The following AGT variants were observed in gnomAD, a reference collection of about 807,000 sequenced individuals.
AGT encodes the protein angiotensinogen, also known as alpha-1 antiproteinase, antitrypsin.
AGT carries 26 observed loss-of-function variants against 28.1 expected under a neutral mutation model. The ratio of observed to expected loss-of-function variants is 0.92; its 90% CI spans 0.68 to 1.28. AGT has a LOEUF of 1.28. Among genes scored for constraint, AGT ranks in the 50% most tolerant of loss-of-function variants. AGT has a pLI of 0.00. For missense variants in AGT, 596 were observed against 592.3 expected (o/e 1.01, Z -0.06); for synonymous variants, 259 against 259.6 (o/e 1.00, Z 0.02).
intron 3 of AGT, 112 bp downstream of exon 3, chr1:230,705,821 G>T: frequency 1.4e-6 from 2 of 1,437,798 alleles, no homozygotes; most frequent in Non-Finnish European, 9.7e-7. Flanking sequence ...CCGCGGCCCT[G>T]CCCTGCTCTG....
At chr1:230,738,464 T>C (rs1008950750) in intron 1 of AGT, among the ~76,000 whole-genome samples, 1 of 152,236 alleles carries the variant, frequency 6.6e-6, no homozygotes, top group Non-Finnish European at 1.5e-5. Flanking sequence ...ACAGCTATGA[T>C]TGTCAGTGGC....
chr1:230,704,392 C>G, intron 3 of AGT, 55 bp from the exon 4 acceptor site: 1 of 1,599,544 alleles, frequency 6.3e-7, no homozygotes, highest in Non-Finnish European at 8.5e-7. Flanking sequence ...GAGGGCTCTC[C>G]CAGAGGCCAG....
intron 1 of AGT, among the ~76,000 whole-genome samples, chr1:230,728,459 C>G (rs931699920): frequency 3.3e-5 from 5 of 152,032 alleles, no homozygotes; most frequent in African/African-American, 1.2e-4. Context: ...CCAAAATGAC[C>G]CAGGACAGTT....
chr1:230,719,718 A>G (rs1338841901), intron 1 of AGT, among the ~76,000 whole-genome samples: 2 of 152,164 alleles, frequency 1.3e-5, no homozygotes, highest in Admixed American at 1.3e-4. Context: ...ATTGCAGCAC[A>G]TTTCAAAAGT....
intron 1 of AGT, among the ~76,000 whole-genome samples, chr1:230,719,917 T>C (rs1407919918): frequency 6.6e-6 from 1 of 152,154 alleles, no homozygotes; most frequent in Non-Finnish European, 1.5e-5. Context: ...GTGCTATGAC[T>C]CTGGGTTTTT....
chr1:230,712,540 A>C (rs1663623994), intron 1 of AGT, among the ~76,000 whole-genome samples: 1 of 152,180 alleles, frequency 6.6e-6, no homozygotes, highest in Admixed American at 6.5e-5. Flanking sequence ...GTTCACACCT[A>C]ATCTAGACAG....
rs1054924594 is a variant in AGT, at chr1:230,704,095, G to C, written c.1242+98C>G. On this transcript the variant is annotated intron_variant, in intron 4 of 4. Coordinates refer to ENST00000366667, the MANE Select transcript of AGT (RefSeq NM_001384479.1). ...CTCTCCGCTCCCTCTTGCCCTGCTGGCCCCACCCATAGCCTCCTCTGTGTC... is the reference window on the plus strand; with the variant it reads ...CTCTCCGCTCCCTCTTGCCCTGCTGCCCCCACCCATAGCCTCCTCTGTGTC... 20 of 1,582,816 alleles carry C rather than the reference G, an allele frequency of 1.3e-5. No individual in the cohort carries two copies. The South Asian group carries it at 2.1e-4, about 17-fold the overall frequency.
intron 1 of AGT, among the ~76,000 whole-genome samples, chr1:230,738,301 C>T (rs369923264): frequency 6.6e-6 from 1 of 152,220 alleles, no homozygotes; most frequent in African/African-American, 2.4e-5. Flanking sequence ...CACCATTTGA[C>T]ATTCTCACCA....
chr1:230,743,008 T>C (rs551994412), intron 1 of AGT, among the ~76,000 whole-genome samples: 2 of 152,308 alleles, frequency 1.3e-5, no homozygotes, highest in African/African-American at 4.8e-5. Context: ...CTTTTTCTTT[T>C]TGAGATGGAG....
intron 1 of AGT, among the ~76,000 whole-genome samples, chr1:230,733,406 G>A (rs1043529793): frequency 6.6e-6 from 1 of 152,078 alleles, no homozygotes; most frequent in Non-Finnish European, 1.5e-5. Context: ...CATTCTCCTA[G>A]CAAAATAACA....
chr1:230,720,238 T>C (rs1169007975), intron 1 of AGT, among the ~76,000 whole-genome samples: 1 of 152,182 alleles, frequency 6.6e-6, no homozygotes, highest in Non-Finnish European at 1.5e-5. Context: ...TTCCAACTGA[T>C]TTCTGCTAGT....
intron 3 of AGT, among the ~76,000 whole-genome samples, chr1:230,704,863 GC>G (rs1336620438): frequency 6.6e-6 from 1 of 152,184 alleles, no homozygotes; most frequent in Non-Finnish European, 1.5e-5. Flanking sequence ...GATGTATCAA[GC>G]ACTTATAAGA....
At chr1:230,720,943 C>T (rs373697977) in intron 1 of AGT, among the ~76,000 whole-genome samples, 15 of 152,182 alleles carry the variant, frequency 9.9e-5, no homozygotes, top group East Asian at 5.8e-4. Flanking sequence ...TCATTCTGGG[C>T]GTGGGACAAG....
At chr1:230,705,052 G>T (rs1424008734) in intron 3 of AGT, among the ~76,000 whole-genome samples, 1 of 152,182 alleles carries the variant, frequency 6.6e-6, no homozygotes, top group East Asian at 1.9e-4. Flanking sequence ...TACAACATGG[G>T]TGAACCTCGA....
intron 1 of AGT, among the ~76,000 whole-genome samples, chr1:230,724,500 C>A (rs1320381899): frequency 1.3e-5 from 2 of 152,106 alleles, no homozygotes; most frequent in Non-Finnish European, 2.9e-5. Context: ...TAGAAATAGT[C>A]ACTTTTTCAC....
chr1:230,732,052 C>T (rs1357890252), intron 1 of AGT, among the ~76,000 whole-genome samples: 1 of 152,156 alleles, frequency 6.6e-6, no homozygotes, highest in Non-Finnish European at 1.5e-5. Context: ...AACCCTATCT[C>T]ACCTTATTCC....
upstream of AGT, among the ~76,000 whole-genome samples, chr1:230,715,540 T>G (rs928899586): frequency 4.6e-5 from 7 of 152,166 alleles, no homozygotes; most frequent in African/African-American, 9.7e-5. Flanking sequence ...TTAATTTAAT[T>G]TTTTTAAAAT....
intron 1 of AGT, among the ~76,000 whole-genome samples, chr1:230,723,747 T>C (rs1159001213): frequency 6.6e-6 from 1 of 152,170 alleles, no homozygotes; most frequent in East Asian, 1.9e-4. Context: ...GGAAAAATGG[T>C]TATCTTCTCT....
chr1:230,705,159 A>AT (rs1663344048), intron 3 of AGT, among the ~76,000 whole-genome samples: 1 of 152,154 alleles, frequency 6.6e-6, no homozygotes, highest in African/African-American at 2.4e-5. Flanking sequence ...GAGAAGATAA[A>AT]TGGAGATGGA....
Sources: allele counts gnomAD v4.1 joint callset (sites outside exome capture counted in the v4.1 genomes callset), GRCh38; gene constraint gnomAD v4.1.1; transcripts MANE v1.5; gene names NCBI Gene and HGNC (gene_info 2026-07-23, HGNC 2026-07-21).